PSD3: variants seen among roughly 807,000 people sequenced by gnomAD.
PSD3 encodes pleckstrin and Sec7 domain containing 3.
PSD3 carries 49 observed loss-of-function variants against 105.5 expected under a neutral mutation model. The ratio of observed to expected loss-of-function variants is 0.46; its 90% CI spans 0.37 to 0.59. PSD3 has a LOEUF of 0.59. Ranked by LOEUF, PSD3 falls within the 20% of genes least tolerant of loss-of-function variation. The probability of loss-of-function intolerance (pLI) is 0.00; values close to 1 mark genes in which losing one functional copy is unlikely to be tolerated. For missense variants in PSD3, 1,561 were observed against 1,263.8 expected (o/e 1.24, Z -3.57); for synonymous variants, 557 against 457.8 (o/e 1.22, Z -2.77).
intron 9 of PSD3, among the ~76,000 whole-genome samples, chr8:18,689,768 A>T (rs1800871301): frequency 6.6e-6 from 1 of 152,172 alleles, no homozygotes. Flanking sequence ...CATATTCAAG[A>T]GGCTAGTGCT....
chr8:18,687,096 G>A (rs1044971834), intron 9 of PSD3, among the ~76,000 whole-genome samples: 2 of 152,192 alleles, frequency 1.3e-5, no homozygotes, highest in African/African-American at 4.8e-5. Flanking sequence ...ATGACCAGCT[G>A]TCAAATAAAG....
At chr8:19,050,646 T>C (rs944366491) in intron 1 of PSD3, among the ~76,000 whole-genome samples, 1 of 151,812 alleles carries the variant, frequency 6.6e-6, no homozygotes, top group Admixed American at 6.6e-5. Flanking sequence ...TGAGAACACA[T>C]GGACACAGGA....
chr8:18,963,479 C>T (rs1824049916), intron 1 of PSD3, among the ~76,000 whole-genome samples: 3 of 152,226 alleles, frequency 2.0e-5, no homozygotes, highest in East Asian at 1.9e-4. Context: ...TTATTTTATA[C>T]ATACTCGACT....
At chr8:18,714,260 A>G (rs569365166) in intron 9 of PSD3, among the ~76,000 whole-genome samples, 61 of 152,330 alleles carry the variant, frequency 4.0e-4, no homozygotes, top group Middle Eastern at 3.4e-3. Flanking sequence ...AACTGCAACA[A>G]AAGTAAAAAT....
chr8:18,583,960 T>C (rs1802988552), intron 12 of PSD3, among the ~76,000 whole-genome samples: 1 of 152,126 alleles, frequency 6.6e-6, no homozygotes, highest in East Asian at 1.9e-4. Flanking sequence ...GCCCTCTGTA[T>C]CAGAAAGGTA....
At chr8:18,695,029 G>C (rs928451046) in intron 9 of PSD3, among the ~76,000 whole-genome samples, 8 of 152,156 alleles carry the variant, frequency 5.3e-5, no homozygotes, top group Non-Finnish European at 7.4e-5. Flanking sequence ...GAAGGGACCA[G>C]AGTTAGGCTG....
chr8:18,629,618 T>G lies in PSD3; in HGVS notation c.2410+2995A>C, dbSNP rs189997752. 2.0e-5 allele frequency among the ~76,000 whole-genome samples: 3 copies of G among 152,074 alleles called. No individual in the cohort carries two copies. In the East Asian group the frequency reaches 5.8e-4, roughly 29 times the overall value. ...TGAAGCCAAACACAAAGCAGTCCCA[T>G]GATTCCATTTATTGCAATTTTAGAA... is the stretch of plus-strand genomic sequence containing the variant. On this transcript the variant is annotated intron_variant, in intron 11 of 15. Transcript: ENST00000327040.
intron 9 of PSD3, among the ~76,000 whole-genome samples, chr8:18,694,708 G>A (rs1445724892): frequency 6.6e-6 from 1 of 151,842 alleles, no homozygotes; most frequent in Non-Finnish European, 1.5e-5. Context: ...GGGTGCAGTG[G>A]TTCACATGTG....
chr8:18,545,338 C>G (rs1409032924), intron 15 of PSD3, among the ~76,000 whole-genome samples: 1 of 152,140 alleles, frequency 6.6e-6, no homozygotes, highest in Non-Finnish European at 1.5e-5. Flanking sequence ...CCCACAAGGC[C>G]TCTGGCTCTG....
intron 1 of PSD3, among the ~76,000 whole-genome samples, chr8:18,942,755 C>T (rs1345238742): frequency 6.6e-6 from 1 of 152,194 alleles, no homozygotes; most frequent in Non-Finnish European, 1.5e-5. Flanking sequence ...TCTCGAATTT[C>T]TACTCTCTAG....
At chr8:18,851,230 T>G (rs1815535648) in intron 4 of PSD3, among the ~76,000 whole-genome samples, 1 of 152,220 alleles carries the variant, frequency 6.6e-6, no homozygotes, top group African/African-American at 2.4e-5. Flanking sequence ...GTAAAGAAAC[T>G]GAGGACCAAG....
chr8:18,541,886 G>A (rs941467501), intron 15 of PSD3, among the ~76,000 whole-genome samples: 1 of 151,868 alleles, frequency 6.6e-6, no homozygotes, highest in Non-Finnish European at 1.5e-5. Context: ...AAGTAGCTGG[G>A]ATTACAGGTA....
intron 12 of PSD3, among the ~76,000 whole-genome samples, chr8:18,599,817 G>A (rs1199577028): frequency 6.6e-6 from 1 of 152,092 alleles, no homozygotes; most frequent in Non-Finnish European, 1.5e-5. Context: ...GGGCGTCCTG[G>A]AGCCAATCTG....
In PSD3 at chr8:18,837,661, C is replaced by A. The variant is rs567827719; in HGVS notation, c.1634+30013G>T. 5.3e-5 allele frequency among the ~76,000 whole-genome samples: 8 copies of A among 152,260 alleles called. No homozygotes were observed. In the South Asian group the frequency reaches 1.7e-3, roughly 32 times the overall value. On this transcript the variant is annotated intron_variant, in intron 4 of 15. Coordinates refer to ENST00000327040, the MANE Select transcript of PSD3 (RefSeq NM_015310.4). Reference sequence around the variant, plus strand: ...ACTAAACTCTAAAAGTACTCTAGGCCAGGCATGGTGGCTCCGTCTGTAATC... The same window carrying A: ...ACTAAACTCTAAAAGTACTCTAGGCAAGGCATGGTGGCTCCGTCTGTAATC...
chr8:18,990,835 C>A (rs1825751537), intron 1 of PSD3, among the ~76,000 whole-genome samples: 1 of 152,114 alleles, frequency 6.6e-6, no homozygotes, highest in East Asian at 1.9e-4. Context: ...ACAGATCAAC[C>A]AAGCTGCAGT....
At chr8:18,700,005 T>C (rs1268106496) in intron 9 of PSD3, among the ~76,000 whole-genome samples, 2 of 152,192 alleles carry the variant, frequency 1.3e-5, no homozygotes, top group African/African-American at 2.4e-5. Context: ...TAATCAACAA[T>C]AAAATTCCTG....
At chr8:19,039,654 G>A (rs1176059422) in intron 1 of PSD3, among the ~76,000 whole-genome samples, 1 of 152,164 alleles carries the variant, frequency 6.6e-6, no homozygotes, top group East Asian at 1.9e-4. Context: ...TGTCCCATTT[G>A]CATCATTCTT....
At chr8:18,718,153 C>T (rs1358704494) in intron 9 of PSD3, among the ~76,000 whole-genome samples, 1 of 152,200 alleles carries the variant, frequency 6.6e-6, no homozygotes, top group Non-Finnish European at 1.5e-5. Context: ...CTGCCACACC[C>T]CTACCCTGTC....
chr8:18,973,423 TG>T (rs1204629521), intron 1 of PSD3, among the ~76,000 whole-genome samples: 1 of 152,234 alleles, frequency 6.6e-6, no homozygotes, highest in Non-Finnish European at 1.5e-5. Context: ...GCCCTCTTAC[TG>T]GCTTGGAGAC....
Sources: gnomAD v4.1 joint callset for allele counts (sites outside exome capture counted in the v4.1 genomes callset) on GRCh38, gnomAD v4.1.1 for gene constraint, MANE v1.5 for transcripts, NCBI Gene and HGNC (gene_info 2026-07-23, HGNC 2026-07-21) for gene names.